REV3L: variants seen among roughly 807,000 people sequenced by gnomAD.
REV3L encodes the protein DNA polymerase zeta catalytic subunit.
Under a neutral mutation model 299.4 loss-of-function variants are expected in REV3L, and 69 were observed. The observed-to-expected ratio is 0.23, with a 90% CI of 0.19 to 0.28. REV3L has a LOEUF of 0.28. Among genes scored for constraint, REV3L ranks in the 10% least tolerant of loss-of-function variants. The pLI, the probability that REV3L is intolerant of heterozygous loss-of-function variation, is 1.00. For missense variants in REV3L, 3,128 were observed against 3,693.8 expected, an observed-to-expected ratio of 0.85 and a Z score of 3.97; for synonymous variants, 1,238 against 1,271.4, an observed-to-expected ratio of 0.97 and a Z score of 0.56.
At chr6:111,330,517 T>G (rs1775271901) in intron 24 of REV3L, among the ~76,000 whole-genome samples, 1 of 152,138 alleles carries the variant, frequency 6.6e-6, no homozygotes, top group African/African-American at 2.4e-5. Context: ...GTATAGGATA[T>G]TCACACACCT....
At chr6:111,398,367 G>C (rs933071373) in intron 4 of REV3L, among the ~76,000 whole-genome samples, 4 of 151,732 alleles carry the variant, frequency 2.6e-5, no homozygotes, top group African/African-American at 7.3e-5. Flanking sequence ...AAATGCTTCT[G>C]TGGTGCTCAA....
chr6:111,379,116 A>C (rs969652968), intron 11 of REV3L, among the ~76,000 whole-genome samples: 34 of 152,348 alleles, frequency 2.2e-4, no homozygotes, highest in African/African-American at 8.2e-4. Context: ...CTGAACATAC[A>C]AACATAAATT....
At chr6:111,323,278 G>A (rs1307736310) in intron 25 of REV3L, among the ~76,000 whole-genome samples, 5 of 152,252 alleles carry the variant, frequency 3.3e-5, no homozygotes, top group Admixed American at 6.5e-5. Context: ...GTGAGCCACC[G>A]TGCCCGACCT....
intron 21 of REV3L, among the ~76,000 whole-genome samples, chr6:111,341,637 G>A (rs1034623377): frequency 4.6e-5 from 7 of 152,174 alleles, no homozygotes; most frequent in Non-Finnish European, 1.0e-4. Flanking sequence ...AGTCTACACA[G>A]AGCAAGGCTG....
intron 1 of REV3L, among the ~76,000 whole-genome samples, chr6:111,463,315 G>A (rs1017102322): frequency 7.2e-5 from 11 of 152,164 alleles, no homozygotes; most frequent in African/African-American, 2.7e-4. Flanking sequence ...AAGCTAGGAA[G>A]TTAAGCCAAG....
intron 21 of REV3L, among the ~76,000 whole-genome samples, chr6:111,341,801 C>G (rs1776515324): frequency 9.9e-5 from 15 of 151,916 alleles, no homozygotes; most frequent in Admixed American, 9.8e-4. Context: ...AGTGATAGCT[C>G]AAGGCTGTCC....
chr6:111,308,610 A>G (rs1772608582), intron 30 of REV3L, among the ~76,000 whole-genome samples: 1 of 152,226 alleles, frequency 6.6e-6, no homozygotes, highest in Non-Finnish European at 1.5e-5. Context: ...ATGCTATTTT[A>G]CCATTGCAGT....
chr6:111,333,444 G>A (rs1007122941), intron 22 of REV3L, 77 bp from the exon 23 acceptor site: 1 of 1,525,606 alleles, frequency 6.6e-7, no homozygotes, highest in African/African-American at 1.4e-5. Context: ...AATCATTTGA[G>A]GATAATCTGC....
Position 111,376,770 on chromosome 6 carries a change from G to A in REV3L, c.1598-13C>T, listed in dbSNP as rs1339658996. Reference sequence around the variant, plus strand: ...TTCAATGGATTGTCTGAAATGAGGAGGGAAAAACAGTTTATTTCATTTTAC... The same window carrying A: ...TTCAATGGATTGTCTGAAATGAGGAAGGAAAAACAGTTTATTTCATTTTAC... On this transcript the variant is annotated splice_polypyrimidine_tract_variant and intron_variant, in intron 12 of 31. Transcript: ENST00000368802. The A allele has an allele frequency of 6.6e-7, 1 of 1,509,852 alleles. No homozygotes were observed. Among genetic ancestry groups the A allele is most frequent in the East Asian group, 2.3e-5 (1 of 42,976 alleles). 93.5% of individuals were successfully genotyped at this position (1,509,852 alleles called of 1,614,324 possible).
intron 11 of REV3L, among the ~76,000 whole-genome samples, chr6:111,378,844 T>C (rs1045866841): frequency 5.3e-5 from 8 of 152,208 alleles, no homozygotes; most frequent in Non-Finnish European, 1.2e-4. Flanking sequence ...ACATTCTCCA[T>C]TCAAAAGTTC....
At chr6:111,414,236 G>A (rs1194304036) in intron 2 of REV3L, among the ~76,000 whole-genome samples, 1 of 152,126 alleles carries the variant, frequency 6.6e-6, no homozygotes, top group African/African-American at 2.4e-5. Context: ...TTTTACGTGG[G>A]ATAGTCAAAG....
intron 3 of REV3L, among the ~76,000 whole-genome samples, chr6:111,409,622 G>T (rs1784034380): frequency 1.3e-5 from 2 of 152,112 alleles, no homozygotes; most frequent in South Asian, 4.2e-4. Context: ...TAGAATGATG[G>T]GTTCTGTTTT....
intron 5 of REV3L, among the ~76,000 whole-genome samples, chr6:111,391,364 G>A (rs901573429): frequency 6.6e-6 from 1 of 152,008 alleles, no homozygotes; most frequent in Non-Finnish European, 1.5e-5. Flanking sequence ...TTGCGCCCTG[G>A]CCTTGAAACA....
intron 1 of REV3L, among the ~76,000 whole-genome samples, chr6:111,473,226 A>T (rs558593446): frequency 2.4e-5 from 1 of 42,036 alleles, no homozygotes; most frequent in East Asian, 2.9e-3. Flanking sequence ...TTTCACTTAG[A>T]TTTTTTTTTT....
chr6:111,421,863 A>C (rs574455271), intron 1 of REV3L, among the ~76,000 whole-genome samples: 2 of 152,322 alleles, frequency 1.3e-5, no homozygotes, highest in African/African-American at 4.8e-5. Flanking sequence ...CTCAAGTTTT[A>C]TATCACTATC....
At position 111,405,616 on chromosome 6, in the gene REV3L, A is replaced by G; in HGVS notation, c.419T>C (p.Leu140Ser). The G allele has an allele frequency of 6.3e-7, 1 of 1,596,434 alleles. No homozygotes were observed. The highest frequency in any genetic ancestry group is 8.5e-7 in the Non-Finnish European group (1 of 1,173,912). The change falls in exon 4 of 32, where the codon TTG becomes TCG. Residue 140 changes from leucine (L) to serine (S), a missense_variant. Around this residue, in one of 9 missense-constraint regions of REV3L, gnomAD observed 2,409 missense variants for 2,611.8 expected, o/e 0.92. Coordinates refer to ENST00000368802, the MANE Select transcript of REV3L (RefSeq NM_001372078.1). ...PTMVKRICEL[L>S]QSGAIMNKFY... ...TTTATTCATTATGGCTCCGCTTTGC[A>G]AAAGTTCACATATCCTAAATTAGAA...
Position 111,310,054 on chromosome 6 carries a change from C to T in REV3L, c.8841G>A (p.Glu2947=). 7 of 1,600,546 alleles carry T rather than the reference C, an allele frequency of 4.4e-6. No homozygotes were observed. The highest frequency in any genetic ancestry group is 5.1e-6 in the Non-Finnish European group (6 of 1,172,804). Residue 2947 remains glutamate, a synonymous_variant, in exon 30 of 32, where the codon GAG becomes GAA. Transcript: ENST00000368802. ...CATAAATGATGACGTATGGCACTCG[C>T]TCCCCAACCTGAGGCTCAGAGCGCC... ...YDRRSEPQVG[E]RVPYVIIYGT...
chr6:111,369,490 ATCT>A (rs1779568485), intron 13 of REV3L, among the ~76,000 whole-genome samples: 1 of 152,114 alleles, frequency 6.6e-6, no homozygotes, highest in Non-Finnish European at 1.5e-5. Context: ...AAATGCTAAT[ATCT>A]TCTTAACATA....
intron 4 of REV3L, among the ~76,000 whole-genome samples, chr6:111,402,208 C>T (rs1783157364): frequency 6.6e-6 from 1 of 152,174 alleles, no homozygotes; most frequent in South Asian, 2.1e-4. Context: ...AGACCAGCAC[C>T]ACCTTAGATC....
Sources: gnomAD v4.1 joint callset for allele counts (sites outside exome capture counted in the v4.1 genomes callset) on GRCh38, gnomAD v4.1.1 for gene constraint, gnomAD v4.1.1 regional missense constraint, MANE v1.5 for transcripts, NCBI Gene and HGNC (gene_info 2026-07-23, HGNC 2026-07-21) for gene names.